Variants in PCDHA6 observed in about 807,000 individuals in gnomAD.
The protein encoded by PCDHA6 is protocadherin alpha-6.
Under a neutral mutation model 60.3 loss-of-function variants are expected in PCDHA6, and 55 were observed. The observed-to-expected ratio is 0.91, with a 90% confidence interval of 0.73 to 1.14. The LOEUF is 1.14. Among genes scored for constraint, PCDHA6 ranks in the 50% most tolerant of loss-of-function variants. The pLI, the probability that PCDHA6 is intolerant of heterozygous loss-of-function variation, is 0.00. For synonymous variants in PCDHA6, 652 were observed against 557.9 expected, an observed-to-expected ratio of 1.17 and a Z score of -2.38; for missense variants, 1,327 against 1,256.5, an observed-to-expected ratio of 1.06 and a Z score of -0.85.
chr5:140,945,455 A>G (rs2093793181), intron 1 of PCDHA6, among the ~76,000 whole-genome samples: 1 of 152,192 alleles, frequency 6.6e-6, no homozygotes, highest in African/African-American at 2.4e-5. Flanking sequence ...AACTTCCCTA[A>G]AATTTGCATG....
At chr5:140,948,489 T>C (rs547481990) in intron 1 of PCDHA6, among the ~76,000 whole-genome samples, 6 of 151,790 alleles carry the variant, frequency 4.0e-5, no homozygotes, top group Admixed American at 3.3e-4. Context: ...TTCAATTTCT[T>C]TCATAGACTT....
chr5:140,841,782 T>C (rs1777485845), intron 1 of PCDHA6: 1 of 1,613,764 alleles, frequency 6.2e-7, no homozygotes, highest in Non-Finnish European at 8.5e-7. Context: ...CGGTTTCCGC[T>C]AGAGGGCGCG....
chr5:140,918,925 T>C (rs2078925990), intron 1 of PCDHA6, among the ~76,000 whole-genome samples: 1 of 152,238 alleles, frequency 6.6e-6, no homozygotes, highest in Non-Finnish European at 1.5e-5. Context: ...ACACAGCATA[T>C]GGCATTTTGT....
intron 1 of PCDHA6, chr5:140,836,500 C>T (rs2150262394): frequency 1.2e-6 from 2 of 1,613,882 alleles, no homozygotes; most frequent in African/African-American, 1.3e-5. Flanking sequence ...GCCATCTGCG[C>T]GGTGTCCAGT....
intron 1 of PCDHA6, chr5:140,871,048 C>T (rs1472650820): frequency 6.2e-7 from 1 of 1,613,348 alleles, no homozygotes; most frequent in Non-Finnish European, 8.5e-7. Context: ...ACTTCTAGTA[C>T]TGGTGAAGGA....
chr5:140,951,659 C>A (rs1293655737), intron 1 of PCDHA6, among the ~76,000 whole-genome samples: 1 of 152,164 alleles, frequency 6.6e-6, no homozygotes, highest in Non-Finnish European at 1.5e-5. Context: ...CCCACCAGGG[C>A]CTGCCTACAA....
rs782257919 is a variant in PCDHA6, at chr5:140,853,730, T to C, written c.2394+23245T>C. 84 of 988,668 alleles carry C rather than the reference T, an allele frequency of 8.5e-5. 8 individuals carry two copies. Among genetic ancestry groups the C allele is most frequent in the African/African-American group, 5.6e-4 (32 of 56,686 alleles). The allele number at this position is 988,668 out of a possible 1,614,324, so 61.2% of individuals were successfully genotyped here. A position where few individuals can be genotyped will look rare whatever the true frequency, so the allele number is the denominator to read the frequency against. ...AGCATTAGCAGCACCTAAGTCCTCA[T>C]TGAATGTTCTGGTTCAAGGCTCCAC... On this transcript the variant is annotated intron_variant, in intron 1 of 3. Coordinates refer to ENST00000529310, the MANE Select transcript of PCDHA6 (RefSeq NM_018909.4).
rs146932686 is a variant in PCDHA6, at chr5:140,955,010, G to T, written c.2395-23939G>T. 3.9e-3 allele frequency among the ~76,000 whole-genome samples: 599 copies of T among 152,256 alleles called. 6 individuals carry two copies. The highest frequency in any genetic ancestry group is 0.032 in the South Asian group (154 of 4,816). On this transcript the variant is annotated intron_variant, in intron 1 of 3. Transcript: ENST00000529310. ...TGCATATGGCTAGCCAATTCTCCCAGCACCATTTATTAAATAGGGAATCTT... is the reference window on the plus strand; with the variant it reads ...TGCATATGGCTAGCCAATTCTCCCATCACCATTTATTAAATAGGGAATCTT...
intron 1 of PCDHA6, chr5:140,927,058 C>T (rs376173105): frequency 1.2e-6 from 2 of 1,611,256 alleles, no homozygotes; most frequent in African/African-American, 1.3e-5. Flanking sequence ...GCGGAACTTT[C>T]GCTTCCTTTC....
At chr5:140,955,187 T>C (rs1230644276) in intron 1 of PCDHA6, among the ~76,000 whole-genome samples, 1 of 152,198 alleles carries the variant, frequency 6.6e-6, no homozygotes, top group Non-Finnish European at 1.5e-5. Flanking sequence ...TTTTGTGGTG[T>C]ATATGAAGTC....
chr5:140,981,943 G>A (rs1207723761), intron 2 of PCDHA6, among the ~76,000 whole-genome samples: 2 of 152,116 alleles, frequency 1.3e-5, no homozygotes, highest in Non-Finnish European at 2.9e-5. Flanking sequence ...GGAAATATAG[G>A]GTGGGTCATC....
rs1458261257 is a variant in PCDHA6, at chr5:140,941,194, TCTTTCTTCCTTTCTTTCTTC to T, written c.2395-37747_2395-37728del. Among the ~76,000 whole-genome samples the T allele has an allele frequency of 1.9e-3, 217 of 112,428 alleles. 2 individuals carry two copies. Among genetic ancestry groups the T allele is most frequent in the African/African-American group, 6.9e-3 (195 of 28,326 alleles). 73.8% of individuals were successfully genotyped at this position (112,428 alleles called of 152,430 possible). A position where few individuals can be genotyped will look rare whatever the true frequency, so the allele number is the denominator to read the frequency against. On this transcript the variant is annotated intron_variant, in intron 1 of 3. Coordinates refer to ENST00000529310, the MANE Select transcript of PCDHA6 (RefSeq NM_018909.4). ...CTTGAACATCCTGCTTCTTTTTTTT[TCTTTCTTCCTTTCTTTCTTC>T]CTTTCTTTCTTTCTTTCTTTCTTTC...
chr5:140,967,140 C>T (rs781814682), intron 1 of PCDHA6: 4 of 1,611,022 alleles, frequency 2.5e-6, no homozygotes, highest in East Asian at 2.2e-5. Flanking sequence ...GAAGTGCTGG[C>T]GCACAACCCC....
intron 1 of PCDHA6, among the ~76,000 whole-genome samples, chr5:140,939,231 G>A (rs1305244022): frequency 6.6e-6 from 1 of 152,134 alleles, no homozygotes; most frequent in East Asian, 1.9e-4. Context: ...TCACCTTCTG[G>A]AAGGAGCAAG....
chr5:140,862,746 C>A, intron 1 of PCDHA6: 2 of 577,770 alleles, frequency 3.5e-6, no homozygotes, highest in East Asian at 9.5e-5. Flanking sequence ...TGTGGGTGCA[C>A]GCGGAGAGCG....
intron 1 of PCDHA6, among the ~76,000 whole-genome samples, chr5:140,945,880 A>G (rs1210743057): frequency 6.6e-6 from 1 of 152,136 alleles, no homozygotes; most frequent in Non-Finnish European, 1.5e-5. Flanking sequence ...TAAAACTAAC[A>G]AAGAAAACAC....
intron 1 of PCDHA6, among the ~76,000 whole-genome samples, chr5:140,904,681 A>G (rs1562946233): frequency 6.6e-6 from 1 of 152,192 alleles, no homozygotes; most frequent in South Asian, 2.1e-4. Context: ...CATTCCCACC[A>G]GCAGTGTAAA....
At chr5:140,863,623 T>C (rs782448471) in intron 1 of PCDHA6, 49 of 322,260 alleles carry the variant, frequency 1.5e-4, no homozygotes, top group Non-Finnish European at 1.9e-4. Context: ...CATAGTGACA[T>C]TGATAATGTT....
At chr5:140,854,204 A>G in intron 1 of PCDHA6, 1 of 510,702 alleles carries the variant, frequency 2.0e-6, no homozygotes, top group Non-Finnish European at 2.5e-6. Flanking sequence ...CCTACTTTTT[A>G]TTCAATATTG....
Sources: allele counts gnomAD v4.1 joint callset (sites outside exome capture counted in the v4.1 genomes callset), GRCh38; gene constraint gnomAD v4.1.1; transcripts MANE v1.5; gene names NCBI Gene and HGNC (gene_info 2026-07-23, HGNC 2026-07-21).